Variants in ABCG2 observed in about 807,000 individuals in gnomAD.
ABCG2 encodes the protein broad substrate specificity ATP-binding cassette transporter ABCG2.
Under a neutral mutation model 73.5 loss-of-function variants are expected in ABCG2, and 80 were observed. The ratio of observed to expected loss-of-function variants is 1.09; its 90% CI spans 0.91 to 1.31. The LOEUF (loss-of-function observed/expected upper bound fraction) is 1.31. Ranked by LOEUF, ABCG2 falls within the 50% of genes most tolerant of loss-of-function variation. ABCG2 has a pLI of 0.00. For missense variants in ABCG2, 796 were observed against 786.2 expected (o/e 1.01, Z -0.15); for synonymous variants, 269 against 282.4 (o/e 0.95, Z 0.48).
At chr4:88,093,907 A>C (rs1721812583) in intron 15 of ABCG2, among the ~76,000 whole-genome samples, 1 of 152,216 alleles carries the variant, frequency 6.6e-6, no homozygotes, top group Non-Finnish European at 1.5e-5. Context: ...ATCTGTTTTA[A>C]CATTATGTGA....
At chr4:88,211,358 G>GGCCACCCCCCC (rs1553900212) in intron 1 of ABCG2, among the ~76,000 whole-genome samples, 1 of 33,648 alleles carries the variant, frequency 3.0e-5, no homozygotes, top group African/African-American at 1.1e-4. Flanking sequence ...TTCAACCCCT[G>GGCCACCCCCCC]CCCCACCCCC....
chr4:88,094,976 T>A (rs561326822), intron 14 of ABCG2, among the ~76,000 whole-genome samples: 1 of 152,350 alleles, frequency 6.6e-6, no homozygotes, highest in Non-Finnish European at 1.5e-5. Context: ...ATTAAAATGA[T>A]ACAGTGGTGC....
chr4:88,224,737 G>C (rs907748624), intron 1 of ABCG2, among the ~76,000 whole-genome samples: 2 of 151,948 alleles, frequency 1.3e-5, no homozygotes, highest in African/African-American at 4.8e-5. Flanking sequence ...TTTTTATTTT[G>C]TTGCCTGTGC....
In ABCG2 at chr4:88,132,610, C is replaced by T. The variant is rs747978861; in HGVS notation, c.229G>A (p.Ala77Thr). The T allele has an allele frequency of 2.3e-5, 37 of 1,614,014 alleles. No individual in the cohort carries two copies. The highest frequency in any genetic ancestry group is 8.9e-5 in the East Asian group (4 of 44,886). The change falls in exon 3 of 16, where the codon GCC becomes ACC. Residue 77 changes from alanine (A) to threonine (T), a missense_variant. By Grantham distance (58) the Ala-to-Thr change is moderately conservative (BLOSUM62 0). Transcript: ENST00000237612. Reference sequence around the variant, plus strand: ...CCTCCACCTGTGGGTCCCAGGATGGCGTTGAGACCAGGTTTCATGATCCCA... The same window carrying T: ...CCTCCACCTGTGGGTCCCAGGATGGTGTTGAGACCAGGTTTCATGATCCCA... ...INGIMKPGLN[A>T]ILGPTGGGKS...
intron 14 of ABCG2, among the ~76,000 whole-genome samples, chr4:88,095,209 C>A (rs1721906691): frequency 6.6e-6 from 1 of 152,172 alleles, no homozygotes; most frequent in Non-Finnish European, 1.5e-5. Context: ...ATTCTAGTGT[C>A]CCATCCTCTC....
At chr4:88,117,998 T>A in intron 7 of ABCG2, 111 bp downstream of exon 7, 9 of 1,055,612 alleles carry the variant, frequency 8.5e-6, no homozygotes, top group Non-Finnish European at 1.1e-5. Context: ...AAGTGATAGA[T>A]TCTCATGGTA....
upstream of ABCG2, among the ~76,000 whole-genome samples, chr4:88,160,060 T>C (rs1187791820): frequency 1.3e-5 from 2 of 151,972 alleles, no homozygotes; most frequent in Admixed American, 6.6e-5. Flanking sequence ...CTGGCCAACA[T>C]GGTGAAACCC....
At chr4:88,096,751 A>T (rs577292152) in intron 13 of ABCG2, among the ~76,000 whole-genome samples, 103 of 131,464 alleles carry the variant, frequency 7.8e-4, no homozygotes, top group Non-Finnish European at 1.5e-3. Context: ...AGTAACCATT[A>T]AAAAAAAAAA....
intron 5 of ABCG2, among the ~76,000 whole-genome samples, chr4:88,122,171 G>T (rs1417907311): frequency 6.6e-6 from 1 of 152,132 alleles, no homozygotes. Context: ...ACAACCCGCA[G>T]ACCAGGAGAT....
intron 1 of ABCG2, among the ~76,000 whole-genome samples, chr4:88,185,783 A>G (rs1728429682): frequency 6.6e-6 from 1 of 152,222 alleles, no homozygotes; most frequent in South Asian, 2.1e-4. Context: ...GAGAAATGCA[A>G]ATCAAAACTA....
rs1455095316 is a variant in ABCG2, at chr4:88,094,666, C to T, written c.1738-7G>A. 3.7e-6 allele frequency: 6 copies of T among 1,610,528 alleles called. No individual in the cohort carries two copies. Among genetic ancestry groups the T allele is most frequent in the South Asian group, 2.2e-5 (2 of 90,990 alleles). On this transcript the variant is annotated splice_region_variant and splice_polypyrimidine_tract_variant and intron_variant, in intron 14 of 15. Coordinates refer to ENST00000237612, the MANE Select transcript of ABCG2 (RefSeq NM_004827.3). The stretch of plus-strand genomic sequence containing the variant: ...ATTCATTATGCTGCAAAGCCTATAA[C>T]ACAAGTGGGAGCAGGGCAAGGTAAA...
intron 10 of ABCG2, among the ~76,000 whole-genome samples, chr4:88,103,476 T>C (rs1722580103): frequency 6.6e-6 from 1 of 152,214 alleles, no homozygotes. Flanking sequence ...TGGTTGTATA[T>C]ATTTGTGGGG....
chr4:88,174,347 G>A (rs1182817948), intron 1 of ABCG2, among the ~76,000 whole-genome samples: 1 of 152,010 alleles, frequency 6.6e-6, no homozygotes, highest in Non-Finnish European at 1.5e-5. Context: ...ACAGGCCCTG[G>A]TGTGTGATGT....
intron 1 of ABCG2, among the ~76,000 whole-genome samples, chr4:88,201,317 G>A (rs943111485): frequency 6.6e-6 from 1 of 151,352 alleles, no homozygotes; most frequent in Admixed American, 6.6e-5. Context: ...AAAAAAGAGT[G>A]GACATCACTT....
intron 13 of ABCG2, among the ~76,000 whole-genome samples, chr4:88,095,916 C>T (rs555066553): frequency 6.6e-6 from 1 of 152,250 alleles, no homozygotes; most frequent in East Asian, 1.9e-4. Context: ...TTTGTAACTG[C>T]AAATAATGGA....
chr4:88,140,792 G>A (rs891004580), intron 1 of ABCG2, among the ~76,000 whole-genome samples: 1 of 151,930 alleles, frequency 6.6e-6, no homozygotes. Flanking sequence ...CAGCAAAGAA[G>A]GTAAACTCCA....
At chr4:88,139,734 C>A in intron 2 of ABCG2, 59 bp downstream of exon 2, 2 of 1,487,756 alleles carry the variant, frequency 1.3e-6, no homozygotes, top group South Asian at 1.3e-5. Flanking sequence ...TAGCCAAAAC[C>A]TGTGAGGTTC....
intron 5 of ABCG2, among the ~76,000 whole-genome samples, chr4:88,125,861 A>C (rs1724374359): frequency 6.6e-6 from 1 of 152,154 alleles, no homozygotes; most frequent in South Asian, 2.1e-4. Flanking sequence ...CTAACATCAC[A>C]ATTAAAAGAA....
chr4:88,166,084 G>T (rs1356576175), intron 1 of ABCG2, among the ~76,000 whole-genome samples: 3 of 152,140 alleles, frequency 2.0e-5, no homozygotes, highest in Non-Finnish European at 4.4e-5. Context: ...CACTGAGTTG[G>T]TATGAAGAGT....
Sources: gnomAD v4.1 joint callset for allele counts (sites outside exome capture counted in the v4.1 genomes callset) on GRCh38, gnomAD v4.1.1 for gene constraint, MANE v1.5 for transcripts, NCBI Gene and HGNC (gene_info 2026-07-23, HGNC 2026-07-21) for gene names.